CRISP2: variants seen among roughly 807,000 people sequenced by gnomAD.
The protein encoded by CRISP2 is cysteine-rich secretory protein 2.
Under a neutral mutation model 31.7 loss-of-function variants are expected in CRISP2, and 29 were observed. The observed-to-expected ratio is 0.92, with a 90% CI of 0.68 to 1.25. The LOEUF is 1.25. CRISP2 is among the 50% of genes most tolerant of loss of function. The pLI is 0.00. For missense variants in CRISP2, 318 were observed against 286.5 expected, an observed-to-expected ratio of 1.11 and a Z score of -0.79; for synonymous variants, 111 against 101.4, an observed-to-expected ratio of 1.09 and a Z score of -0.57.
downstream of CRISP2, among the ~76,000 whole-genome samples, chr6:49,690,947 TA>T (rs1290899904): frequency 6.6e-6 from 1 of 151,616 alleles, no homozygotes; most frequent in Admixed American, 6.6e-5. Context: ...AAGATTCTGG[TA>T]TAGAGGGTTT....
At chr6:49,708,806 A>T (rs1363503064) in intron 4 of CRISP2, among the ~76,000 whole-genome samples, 7 of 152,220 alleles carry the variant, frequency 4.6e-5, no homozygotes, top group East Asian at 1.9e-4. Context: ...ATGCAATATT[A>T]AAAAAATGAG....
At chr6:49,684,925 CAG>C in the CRISP2 span, among the ~76,000 whole-genome samples, 2 of 152,160 alleles carry the variant, frequency 1.3e-5, no homozygotes, top group African/African-American at 4.8e-5. Context: ...TGCATACTAA[CAG>C]AACTTTCATC....
chr6:49,683,694 A>AAAATATAT, the CRISP2 span, among the ~76,000 whole-genome samples: 1 of 6,184 alleles, frequency 1.6e-4, no homozygotes, highest in Non-Finnish European at 3.8e-4. Flanking sequence ...AAAAAAAAAA[A>AAAATATAT]ATATATATAT....
chr6:49,676,960 G>C, the CRISP2 span, among the ~76,000 whole-genome samples: 1 of 152,094 alleles, frequency 6.6e-6, no homozygotes, highest in Admixed American at 6.6e-5. Context: ...CAATGCCTTA[G>C]ATTTTATCTA....
At chr6:49,683,806 T>C in the CRISP2 span, among the ~76,000 whole-genome samples, 1 of 145,968 alleles carries the variant, frequency 6.9e-6, no homozygotes, top group African/African-American at 2.5e-5. Context: ...GTTTTAAATG[T>C]CACATTGTCA....
Position 49,698,352 on chromosome 6 carries a change from T to A in CRISP2, c.417+10A>T, listed in dbSNP as rs764933297. ...TCTGTGACATAGGTATTTTCATGCA[T>A]TCTTCTTACCTGAGTATAATGTCCA... On this transcript the variant is annotated intron_variant, in intron 7 of 9. Coordinates refer to ENST00000339139, the MANE Select transcript of CRISP2 (RefSeq NM_003296.4). 22 of 1,612,118 alleles carry A rather than the reference T, an allele frequency of 1.4e-5. No individual in the cohort carries two copies. Among genetic ancestry groups the A allele is most frequent in the Non-Finnish European group, 1.9e-5 (22 of 1,179,142 alleles).
chr6:49,700,560 A>G lies in CRISP2; in HGVS notation c.183+108T>C. The G allele has an allele frequency of 4.1e-6, 3 of 723,142 alleles. No individual in the cohort carries two copies. The South Asian group carries it at 4.9e-5, about 12-fold the overall frequency. The allele number at this position is 723,142 out of a possible 1,614,324, so 44.8% of individuals were successfully genotyped here. A position where few individuals can be genotyped will look rare whatever the true frequency, so the allele number is the denominator to read the frequency against. On this transcript the variant is annotated intron_variant, in intron 5 of 9. Coordinates refer to ENST00000339139, the MANE Select transcript of CRISP2 (RefSeq NM_003296.4). The stretch of plus-strand genomic sequence containing the variant: ...AATGGTTCAAATAAAATAACAAAAC[A>G]GAGACACAACTTTGTAAACCACAAA...
At chr6:49,683,199 T>TAAATAAATAAATAAAG in the CRISP2 span, among the ~76,000 whole-genome samples, 24 of 148,952 alleles carry the variant, frequency 1.6e-4, no homozygotes, top group East Asian at 3.7e-3. Flanking sequence ...AATAAATAAA[T>TAAATAAATAAATAAAG]AGAGACATGC....
chr6:49,677,269 T>C, the CRISP2 span, among the ~76,000 whole-genome samples: 1 of 152,176 alleles, frequency 6.6e-6, no homozygotes, highest in African/African-American at 2.4e-5. Flanking sequence ...TTTTTAGATA[T>C]TTTTACTTTG....
chr6:49,706,083 T>G (rs1261873871), intron 4 of CRISP2, among the ~76,000 whole-genome samples: 1 of 152,210 alleles, frequency 6.6e-6, no homozygotes, highest in Non-Finnish European at 1.5e-5. Context: ...AAGGGAACTT[T>G]TAATATGATT....
intron 4 of CRISP2, among the ~76,000 whole-genome samples, chr6:49,701,525 T>TATAC (rs1554135518): frequency 8.6e-5 from 7 of 81,102 alleles, no homozygotes; most frequent in African/African-American, 2.2e-4. Flanking sequence ...TATATATATA[T>TATAC]ACACACACAC....
At chr6:49,677,030 G>A in the CRISP2 span, among the ~76,000 whole-genome samples, 1 of 152,106 alleles carries the variant, frequency 6.6e-6, no homozygotes, top group African/African-American at 2.4e-5. Context: ...GGGGTAGTAA[G>A]CAGTGACCAG....
chr6:49,680,554 T>C, the CRISP2 span, among the ~76,000 whole-genome samples: 1 of 152,222 alleles, frequency 6.6e-6, no homozygotes, highest in African/African-American at 2.4e-5. Context: ...TATTTATGAC[T>C]TTAGGTCTTT....
chr6:49,679,666 CCA>C, the CRISP2 span, among the ~76,000 whole-genome samples: 1 of 148,096 alleles, frequency 6.8e-6, no homozygotes, highest in Non-Finnish European at 1.5e-5. Context: ...GAATCTTACC[CCA>C]GTTTCTGATT....
At chr6:49,700,348 T>C (rs1765457217) in intron 5 of CRISP2, among the ~76,000 whole-genome samples, 1 of 152,102 alleles carries the variant, frequency 6.6e-6, no homozygotes, top group African/African-American at 2.4e-5. Context: ...AGCTGACACA[T>C]ATCCTGAAGG....
At chr6:49,701,191 A>G (rs568427829) in intron 4 of CRISP2, among the ~76,000 whole-genome samples, 2 of 151,706 alleles carry the variant, frequency 1.3e-5, no homozygotes, top group Admixed American at 6.6e-5. Flanking sequence ...TAAGTTCTTT[A>G]CTGGTGATTC....
chr6:49,701,346 G>A (rs1469780228), intron 4 of CRISP2, among the ~76,000 whole-genome samples: 2 of 151,498 alleles, frequency 1.3e-5, no homozygotes, highest in Non-Finnish European at 2.9e-5. Context: ...TCATAGCTTA[G>A]CTCCCACTTA....
intron 7 of CRISP2, 100 bp downstream of exon 7, chr6:49,698,262 G>T: frequency 7.4e-7 from 1 of 1,359,198 alleles, no homozygotes. Flanking sequence ...TACCCACTCG[G>T]ACTGTTCTCC....
chr6:49,683,214 TA>T, the CRISP2 span, among the ~76,000 whole-genome samples: 1 of 145,328 alleles, frequency 6.9e-6, no homozygotes, highest in Non-Finnish European at 1.5e-5. Flanking sequence ...ACATGCAGTG[TA>T]TACAATACAG....
Sources: allele counts gnomAD v4.1 joint callset (sites outside exome capture counted in the v4.1 genomes callset), GRCh38; gene constraint gnomAD v4.1.1; transcripts MANE v1.5; gene names NCBI Gene and HGNC (gene_info 2026-07-23, HGNC 2026-07-21).